The following EYS variants were observed in gnomAD, a reference collection of about 807,000 sequenced individuals.
EYS encodes EGF-like photoreceptor maintenance factor, also known as protein eyes shut homolog.
EYS carries 250 observed loss-of-function variants against 282.1 expected under a neutral mutation model. The ratio of observed to expected loss-of-function variants is 0.89; its 90% confidence interval spans 0.80 to 0.98. The LOEUF is 0.98. EYS is among the 50% of genes least tolerant of loss of function. The pLI is 0.00. For missense variants in EYS, 4,016 were observed against 3,709.0 expected (o/e 1.08, Z -2.15); for synonymous variants, 1,355 against 1,282.9 (o/e 1.06, Z -1.20).
chr6:64,886,222 T>A (rs1767081757), intron 19 of EYS, among the ~76,000 whole-genome samples: 3 of 151,976 alleles, frequency 2.0e-5, no homozygotes, highest in Admixed American at 2.0e-4. Flanking sequence ...TTTGCCTTTA[T>A]GTTTGGATAA....
At chr6:65,460,024 TTAATA>T (rs1374325321) in intron 5 of EYS, among the ~76,000 whole-genome samples, 3 of 139,358 alleles carry the variant, frequency 2.2e-5, no homozygotes, top group African/African-American at 7.8e-5. Flanking sequence ...ATTGTATGTA[TTAATA>T]TAATATATAT....
At chr6:65,156,649 T>G (rs1764736700) in intron 12 of EYS, among the ~76,000 whole-genome samples, 1 of 151,174 alleles carries the variant, frequency 6.6e-6, no homozygotes, top group African/African-American at 2.4e-5. Flanking sequence ...TCATTAGGAC[T>G]GTGACATGAG....
At chr6:64,909,498 G>T (rs542164305) in intron 16 of EYS, among the ~76,000 whole-genome samples, 18 of 152,076 alleles carry the variant, frequency 1.2e-4, no homozygotes, top group African/African-American at 4.3e-4. Context: ...TTTTCTTACA[G>T]ATATTGTGCC....
chr6:64,970,694 C>A (rs931025379), intron 14 of EYS, among the ~76,000 whole-genome samples: 1 of 152,052 alleles, frequency 6.6e-6, no homozygotes, highest in Non-Finnish European at 1.5e-5. Flanking sequence ...ATACGTAAAC[C>A]TTGAATAACA....
At chr6:64,319,725 G>A (rs9294456) in intron 29 of EYS, among the ~76,000 whole-genome samples, 258 of 151,306 alleles carry the variant, frequency 1.7e-3, no homozygotes, top group Non-Finnish European at 2.5e-3. Flanking sequence ...ATGGATGGAT[G>A]GATAGACAGA....
intron 2 of EYS, among the ~76,000 whole-genome samples, chr6:65,509,245 A>C (rs2127285710): frequency 6.6e-6 from 1 of 152,324 alleles, no homozygotes; most frequent in Non-Finnish European, 1.5e-5. Flanking sequence ...AGAGAATTTA[A>C]GATGGTTGAT....
chr6:64,791,297 A>G (rs912247627), intron 22 of EYS, among the ~76,000 whole-genome samples: 2 of 151,886 alleles, frequency 1.3e-5, no homozygotes, highest in Non-Finnish European at 2.9e-5. Flanking sequence ...AATGTTGTTA[A>G]AATTAATGCA....
intron 19 of EYS, among the ~76,000 whole-genome samples, chr6:64,837,823 A>G (rs1320111156): frequency 6.6e-6 from 1 of 151,286 alleles, no homozygotes; most frequent in African/African-American, 2.4e-5. Context: ...AAACTATCTG[A>G]AAAAGAATAG....
intron 36 of EYS, among the ~76,000 whole-genome samples, chr6:63,807,270 A>G (rs1399815068): frequency 6.6e-6 from 1 of 152,046 alleles, no homozygotes; most frequent in Non-Finnish European, 1.5e-5. Flanking sequence ...ATCTATTTTT[A>G]TTGGTTGGGG....
intron 26 of EYS, among the ~76,000 whole-genome samples, chr6:64,452,697 T>C (rs1775402552): frequency 6.6e-6 from 1 of 152,024 alleles, no homozygotes; most frequent in South Asian, 2.1e-4. Flanking sequence ...CCCTCAGAAA[T>C]AATGCCGCAT....
intron 13 of EYS, among the ~76,000 whole-genome samples, chr6:65,048,443 A>G (rs780959397): frequency 6.6e-6 from 1 of 151,706 alleles, no homozygotes; most frequent in Non-Finnish European, 1.5e-5. Context: ...GAACTCTCCC[A>G]TCTTTTGTGT....
chr6:64,645,627 T>G (rs562345882), intron 22 of EYS, among the ~76,000 whole-genome samples: 1 of 152,358 alleles, frequency 6.6e-6, no homozygotes, highest in South Asian at 2.1e-4. Context: ...AGCTTTTTCA[T>G]CTGTAATATT....
intron 30 of EYS, among the ~76,000 whole-genome samples, chr6:64,244,203 T>G (rs1464452105): frequency 2.6e-5 from 4 of 152,170 alleles, no homozygotes; most frequent in African/African-American, 7.2e-5. Context: ...GAATATATGC[T>G]TCCTCACTTC....
Position 65,353,471 on chromosome 6 carries a change from T to G in EYS, c.1446A>C (p.Gln482His). 1 of 1,613,064 alleles carries G rather than the reference T, an allele frequency of 6.2e-7. No individual in the cohort carries two copies. The highest frequency in any genetic ancestry group is 8.5e-7 in the Non-Finnish European group (1 of 1,179,384). Reference sequence around the variant, plus strand: ...TAAATTTGTTACCTGCAAATCCCAATTGCCACACATATTCAAATTGAGCAG... The same window carrying G: ...TAAATTTGTTACCTGCAAATCCCAAGTGCCACACATATTCAAATTGAGCAG... ...KGPAQFEYVW[Q>H]LGFAGSEGEK... The change falls in exon 9 of 43, where the codon CAA becomes CAC. Residue 482 changes from glutamine to histidine, a missense_variant. Gln to His is a conservative substitution (Grantham distance 24, BLOSUM62 0). Transcript: ENST00000503581.
chr6:65,150,046 C>T (rs758344213), intron 12 of EYS, among the ~76,000 whole-genome samples: 3 of 151,918 alleles, frequency 2.0e-5, no homozygotes, highest in Non-Finnish European at 2.9e-5. Flanking sequence ...ATCATGAGAA[C>T]AGCATGGGGG....
At chr6:65,679,647 T>C (rs1466506627) in intron 1 of EYS, among the ~76,000 whole-genome samples, 1 of 151,946 alleles carries the variant, frequency 6.6e-6, no homozygotes. Context: ...TTAACAACAC[T>C]GTACTGTATA....
intron 35 of EYS, among the ~76,000 whole-genome samples, chr6:63,966,616 G>A (rs1167731485): frequency 6.6e-6 from 1 of 152,220 alleles, no homozygotes; most frequent in Non-Finnish European, 1.5e-5. Flanking sequence ...CAGAGGCTAA[G>A]CTGACTGCCT....
At chr6:64,656,806 C>A (rs1055600075) in intron 22 of EYS, among the ~76,000 whole-genome samples, 2 of 152,090 alleles carry the variant, frequency 1.3e-5, no homozygotes, top group Non-Finnish European at 2.9e-5. Flanking sequence ...AAAGTAGTTT[C>A]TGAAATAAAC....
intron 12 of EYS, among the ~76,000 whole-genome samples, chr6:65,288,944 T>C (rs983605770): frequency 2.0e-5 from 3 of 150,898 alleles, no homozygotes; most frequent in Admixed American, 1.3e-4. Flanking sequence ...TAAGTGTTAA[T>C]ATCAATAAAG....
Sources: gnomAD v4.1 joint callset for allele counts (sites outside exome capture counted in the v4.1 genomes callset) on GRCh38, gnomAD v4.1.1 for gene constraint, MANE v1.5 for transcripts, NCBI Gene and HGNC (gene_info 2026-07-23, HGNC 2026-07-21) for gene names.